The following EYA1 variants were observed in gnomAD, a reference collection of about 807,000 sequenced individuals.
The protein encoded by EYA1 is protein phosphatase EYA1.
EYA1 carries 16 observed loss-of-function variants against 82.0 expected under a neutral mutation model. That is an observed-to-expected ratio of 0.20 (90% CI 0.13 to 0.30). The LOEUF (loss-of-function observed/expected upper bound fraction) is 0.30, where lower values mean the gene tolerates loss of function less well. Ranked by LOEUF, EYA1 falls within the 10% of genes least tolerant of loss-of-function variation. The pLI is 1.00. For synonymous variants in EYA1, 261 were observed against 264.4 expected, an observed-to-expected ratio of 0.99 and a Z score of 0.12; for missense variants, 633 against 730.7, an observed-to-expected ratio of 0.87 and a Z score of 1.54.
chr8:71,391,628 A>G (rs1829286315), intron 2 of EYA1, among the ~76,000 whole-genome samples: 1 of 152,178 alleles, frequency 6.6e-6, no homozygotes, highest in Admixed American at 6.5e-5. Flanking sequence ...CAGGCAATGA[A>G]TCTGGCTAAT....
At chr8:71,519,798 A>G (rs1416633692) in intron 2 of EYA1, among the ~76,000 whole-genome samples, 3 of 152,056 alleles carry the variant, frequency 2.0e-5, no homozygotes, top group African/African-American at 4.8e-5. Flanking sequence ...GTGTCCCTCT[A>G]TGGTTGGCCT....
chr8:71,225,887 AC>A (rs1810499662), intron 12 of EYA1, among the ~76,000 whole-genome samples: 1 of 152,228 alleles, frequency 6.6e-6, no homozygotes, highest in Non-Finnish European at 1.5e-5. Context: ...GAGAGATTTT[AC>A]TAGAATTATG....
chr8:71,348,713 T>C (rs1269186085), intron 3 of EYA1, among the ~76,000 whole-genome samples: 1 of 152,170 alleles, frequency 6.6e-6, no homozygotes, highest in Non-Finnish European at 1.5e-5. Flanking sequence ...CCTCTTTTAC[T>C]CCCAGCCATT....
chr8:71,455,783 A>C (rs1807843142), intron 2 of EYA1, among the ~76,000 whole-genome samples: 1 of 152,222 alleles, frequency 6.6e-6, no homozygotes, highest in African/African-American at 2.4e-5. Context: ...ATTTATGACA[A>C]ACCCATAGCT....
chr8:71,477,034 TA>T (rs1421090627), intron 2 of EYA1, among the ~76,000 whole-genome samples: 2 of 151,988 alleles, frequency 1.3e-5, no homozygotes, highest in Non-Finnish European at 2.9e-5. Context: ...TGCAAAAGAA[TA>T]AATCTAGAAC....
intron 2 of EYA1, among the ~76,000 whole-genome samples, chr8:71,533,312 C>T (rs1814441521): frequency 6.6e-6 from 1 of 152,158 alleles, no homozygotes; most frequent in South Asian, 2.1e-4. Context: ...AGCAATCTTT[C>T]AGTGGTGGTA....
At chr8:71,231,673 C>T (rs1811213929) in intron 12 of EYA1, among the ~76,000 whole-genome samples, 1 of 152,238 alleles carries the variant, frequency 6.6e-6, no homozygotes, top group African/African-American at 2.4e-5. Flanking sequence ...TCCTCAGTGC[C>T]TAGCTAGTGT....
intron 2 of EYA1, among the ~76,000 whole-genome samples, chr8:71,391,579 G>A (rs1473606714): frequency 2.0e-5 from 3 of 152,126 alleles, no homozygotes; most frequent in African/African-American, 7.2e-5. Flanking sequence ...AAATCTTATG[G>A]AGAACGTTGA....
intron 2 of EYA1, among the ~76,000 whole-genome samples, chr8:71,512,313 G>A (rs978018261): frequency 2.0e-5 from 3 of 151,872 alleles, no homozygotes; most frequent in Non-Finnish European, 2.9e-5. Context: ...TCACAGAGCC[G>A]TTATGCAAGA....
At chr8:71,531,934 T>C (rs1814311984) in intron 2 of EYA1, among the ~76,000 whole-genome samples, 1 of 152,184 alleles carries the variant, frequency 6.6e-6, no homozygotes, top group Non-Finnish European at 1.5e-5. Flanking sequence ...CTTCCAGAAT[T>C]AGAAAGGTGG....
intron 2 of EYA1, among the ~76,000 whole-genome samples, chr8:71,446,456 G>A (rs1337507807): frequency 1.3e-5 from 2 of 152,120 alleles, no homozygotes; most frequent in African/African-American, 2.4e-5. Context: ...AGAACTGTGA[G>A]TCAATTAAAT....
At chr8:71,362,094 A>C (rs1401406849), upstream of EYA1, 1 of 983,422 alleles carries the variant, frequency 1.0e-6, no homozygotes, top group Non-Finnish European at 1.2e-6. Context: ...AAACAGCAGA[A>C]TCTCATCCCT....
chr8:71,243,934 AT>A (rs1443204436), intron 12 of EYA1, among the ~76,000 whole-genome samples: 2 of 152,264 alleles, frequency 1.3e-5, no homozygotes, highest in Non-Finnish European at 2.9e-5. Context: ...AACTGTCTCT[AT>A]TCAGAAGAGA....
At chr8:71,406,349 G>T (rs1830220041) in intron 2 of EYA1, among the ~76,000 whole-genome samples, 2 of 152,194 alleles carry the variant, frequency 1.3e-5, no homozygotes, top group Non-Finnish European at 2.9e-5. Context: ...ATGACATAAA[G>T]AAATTGTTGT....
At chr8:71,250,249 G>A (rs951734287) in intron 11 of EYA1, among the ~76,000 whole-genome samples, 1 of 152,116 alleles carries the variant, frequency 6.6e-6, no homozygotes, top group African/African-American at 2.4e-5. Context: ...TCAAACTGTT[G>A]TCTTGATCAT....
intron 16 of EYA1, among the ~76,000 whole-genome samples, chr8:71,214,050 G>A (rs1217806700): frequency 6.6e-6 from 1 of 152,106 alleles, no homozygotes; most frequent in Non-Finnish European, 1.5e-5. Context: ...TTTAGTAAAT[G>A]CTTTGAAGGA....
chr8:71,360,597 G>T (rs1827284206), intron 1 of EYA1, among the ~76,000 whole-genome samples: 1 of 152,192 alleles, frequency 6.6e-6, no homozygotes, highest in Admixed American at 6.5e-5. Flanking sequence ...ACTCAAGCAT[G>T]CAGAAAGTCA....
intron 2 of EYA1, among the ~76,000 whole-genome samples, chr8:71,499,872 G>A (rs552763178): frequency 2.6e-5 from 4 of 152,256 alleles, no homozygotes; most frequent in Non-Finnish European, 4.4e-5. Context: ...CCAGAAAGGC[G>A]CAAGAAAACA....
At chr8:71,423,364 A>G (rs1831248971) in intron 2 of EYA1, among the ~76,000 whole-genome samples, 1 of 152,190 alleles carries the variant, frequency 6.6e-6, no homozygotes, top group Admixed American at 6.5e-5. Context: ...CCCTCATTAC[A>G]ATGTAGCTTT....
Sources: allele counts gnomAD v4.1 joint callset (sites outside exome capture counted in the v4.1 genomes callset), GRCh38; gene constraint gnomAD v4.1.1; transcripts MANE v1.5; gene names NCBI Gene and HGNC (gene_info 2026-07-23, HGNC 2026-07-21).